The following EFCAB11 variants were observed in gnomAD, a reference collection of about 807,000 sequenced individuals.
EFCAB11 encodes EF-hand calcium binding domain 11.
In EFCAB11, 14 loss-of-function variants were observed where a neutral mutation model predicts 23.0. The ratio of observed to expected loss-of-function variants is 0.61; its 90% CI spans 0.40 to 0.95. The LOEUF is 0.95. Ranked by LOEUF, EFCAB11 falls within the 40% of genes least tolerant of loss-of-function variation. The probability of loss-of-function intolerance (pLI) is 0.00; values close to 1 mark genes in which losing one functional copy is unlikely to be tolerated. For synonymous variants in EFCAB11, 65 were observed against 66.6 expected (o/e 0.98, Z 0.11); for missense variants, 198 against 195.8 (o/e 1.01, Z -0.07).
chr14:89,954,061 T>C (rs1318064828), intron 1 of EFCAB11, 60 bp from the exon 2 acceptor site: 1 of 1,449,636 alleles, frequency 6.9e-7, no homozygotes, highest in Non-Finnish European at 9.5e-7. Flanking sequence ...TTATTACTAG[T>C]TTATTATACA....
intron 5 of EFCAB11, among the ~76,000 whole-genome samples, chr14:89,912,482 G>A (rs1889711011): frequency 6.6e-6 from 1 of 151,988 alleles, no homozygotes; most frequent in Non-Finnish European, 1.5e-5. Context: ...AGGTTTCCTG[G>A]GCTTCCTGGG....
chr14:89,920,798 C>T (rs1305011619), intron 5 of EFCAB11, among the ~76,000 whole-genome samples: 3 of 152,144 alleles, frequency 2.0e-5, no homozygotes, highest in Non-Finnish European at 4.4e-5. Flanking sequence ...GGCGTGGTGG[C>T]TCACACCTGT....
chr14:89,839,265 C>A lies in EFCAB11; in HGVS notation c.411-41941G>T, dbSNP rs371908304. On this transcript the variant is annotated intron_variant, in intron 5 of 5. Transcript: ENST00000316738. ...CCAGTTAAGGAGGTGGGTGTATTTACTATAAAAATAGGATTCCAGGAACAT... is the reference window on the plus strand; with the variant it reads ...CCAGTTAAGGAGGTGGGTGTATTTAATATAAAAATAGGATTCCAGGAACAT... 3.8e-4 allele frequency among the ~76,000 whole-genome samples: 58 copies of A among 152,212 alleles called. No individual in the cohort carries two copies. The South Asian group carries it at 0.011, about 29-fold the overall frequency.
intron 5 of EFCAB11, among the ~76,000 whole-genome samples, chr14:89,828,421 CT>C (rs1183615945): frequency 1.3e-5 from 2 of 152,078 alleles, no homozygotes; most frequent in Non-Finnish European, 2.9e-5. Flanking sequence ...TGAGAAAATA[CT>C]TTTCTGAGTA....
intron 5 of EFCAB11, among the ~76,000 whole-genome samples, chr14:89,804,151 C>T (rs1885883967): frequency 6.6e-6 from 1 of 152,224 alleles, no homozygotes; most frequent in Admixed American, 6.5e-5. Context: ...ACTGCTCTGA[C>T]ACCTGGGGTG....
intron 5 of EFCAB11, among the ~76,000 whole-genome samples, chr14:89,898,192 T>C (rs1889228308): frequency 6.6e-6 from 1 of 152,100 alleles, no homozygotes; most frequent in Non-Finnish European, 1.5e-5. Context: ...CCCAACAAGG[T>C]GTGAGGCCTT....
intron 5 of EFCAB11, among the ~76,000 whole-genome samples, chr14:89,803,949 A>G (rs905610868): frequency 2.0e-5 from 3 of 152,148 alleles, no homozygotes; most frequent in Admixed American, 6.5e-5. Context: ...TATACAGGAA[A>G]GACTAAAGAG....
intron 5 of EFCAB11, among the ~76,000 whole-genome samples, chr14:89,828,580 A>G (rs1365833243): frequency 2.0e-5 from 3 of 152,206 alleles, no homozygotes; most frequent in East Asian, 3.8e-4. Flanking sequence ...TGCTAAAAAC[A>G]TAGTGTTCGG....
At chr14:89,872,288 G>C (rs1888299211) in intron 5 of EFCAB11, among the ~76,000 whole-genome samples, 1 of 152,200 alleles carries the variant, frequency 6.6e-6, no homozygotes, top group South Asian at 2.1e-4. Context: ...GACAAAGGGA[G>C]GCAGGGTTAA....
chr14:89,876,437 G>A (rs1451243829), intron 5 of EFCAB11, among the ~76,000 whole-genome samples: 1 of 152,070 alleles, frequency 6.6e-6, no homozygotes, highest in Non-Finnish European at 1.5e-5. Context: ...GATTAGGACG[G>A]GGGAAATTTC....
chr14:89,945,368 T>C (rs2139837777), intron 3 of EFCAB11, among the ~76,000 whole-genome samples: 1 of 152,330 alleles, frequency 6.6e-6, no homozygotes, highest in South Asian at 2.1e-4. Flanking sequence ...AAGTTAGTGC[T>C]ACCACTTTCC....
intron 5 of EFCAB11, among the ~76,000 whole-genome samples, chr14:89,824,811 T>C (rs1886636911): frequency 6.6e-6 from 1 of 152,044 alleles, no homozygotes; most frequent in Non-Finnish European, 1.5e-5. Flanking sequence ...GAAGACATAA[T>C]AATTCTAAAC....
chr14:89,840,109 A>G (rs1887210553), intron 5 of EFCAB11, among the ~76,000 whole-genome samples: 1 of 152,234 alleles, frequency 6.6e-6, no homozygotes, highest in Admixed American at 6.5e-5. Flanking sequence ...CCCTTGTACT[A>G]TACTGTAGTC....
At chr14:89,842,784 A>C in intron 5 of EFCAB11, among the ~76,000 whole-genome samples, 2 of 150,866 alleles carry the variant, frequency 1.3e-5, no homozygotes, top group African/African-American at 2.4e-5. Context: ...ATCCCCCTTT[A>C]CCCTGTGCTC....
At chr14:89,932,779 C>T (rs917413449) in intron 3 of EFCAB11, 152 bp from the exon 4 acceptor site, 8 of 654,826 alleles carry the variant, frequency 1.2e-5, no homozygotes, top group African/African-American at 1.8e-5. Context: ...GTGAAGTTTC[C>T]TGAAGACCGA....
chr14:89,809,927 T>A (rs1370375761), intron 5 of EFCAB11, among the ~76,000 whole-genome samples: 1 of 152,160 alleles, frequency 6.6e-6, no homozygotes, highest in Non-Finnish European at 1.5e-5. Flanking sequence ...AACCCTACAA[T>A]TTCCCCCCAC....
chr14:89,941,923 C>T (rs1241956052), intron 3 of EFCAB11, among the ~76,000 whole-genome samples: 1 of 152,032 alleles, frequency 6.6e-6, no homozygotes, highest in African/African-American at 2.4e-5. Flanking sequence ...AATCTCATCT[C>T]GAATTGTAAT....
At chr14:89,923,123 A>G (rs1890072243) in intron 5 of EFCAB11, among the ~76,000 whole-genome samples, 1 of 152,214 alleles carries the variant, frequency 6.6e-6, no homozygotes, top group Non-Finnish European at 1.5e-5. Flanking sequence ...TAACAAAGTC[A>G]TCTTCTCTAC....
At chr14:89,817,521 TA>T (rs1038639401) in intron 5 of EFCAB11, among the ~76,000 whole-genome samples, 18 of 151,348 alleles carry the variant, frequency 1.2e-4, no homozygotes, top group East Asian at 3.9e-4. Context: ...GACTCCTTCT[TA>T]AAAAAAAATT....
Sources: allele counts gnomAD v4.1 joint callset (sites outside exome capture counted in the v4.1 genomes callset), GRCh38; gene constraint gnomAD v4.1.1; transcripts MANE v1.5; gene names NCBI Gene and HGNC (gene_info 2026-07-23, HGNC 2026-07-21).